AK8: variants seen among roughly 807,000 people sequenced by gnomAD.
The protein encoded by AK8 is ATP-AMP transphosphorylase 8.
A neutral mutation model predicts 54.6 loss-of-function variants in AK8; 44 were observed. The observed-to-expected ratio is 0.81, with a 90% CI of 0.63 to 1.04. The LOEUF (loss-of-function observed/expected upper bound fraction) is 1.04. AK8 is among the 50% of genes least tolerant of loss of function. The pLI, the probability that AK8 is intolerant of heterozygous loss-of-function variation, is 0.00. For missense variants in AK8, 555 were observed against 613.6 expected, an observed-to-expected ratio of 0.90 and a Z score of 1.01; for synonymous variants, 239 against 245.6, an observed-to-expected ratio of 0.97 and a Z score of 0.25.
intron 12 of AK8, among the ~76,000 whole-genome samples, chr9:132,727,220 G>A (rs1337178878): frequency 6.6e-6 from 1 of 152,144 alleles, no homozygotes; most frequent in East Asian, 1.9e-4. Flanking sequence ...TAGAGTGGGT[G>A]AACATTTCAC....
intron 10 of AK8, among the ~76,000 whole-genome samples, chr9:132,798,999 T>C (rs566585705): frequency 1.3e-5 from 2 of 152,286 alleles, no homozygotes; most frequent in African/African-American, 4.8e-5. Flanking sequence ...ACCCATGAGA[T>C]GCAACTGGGC....
chr9:132,787,803 C>G (rs1397751261), intron 11 of AK8, among the ~76,000 whole-genome samples: 1 of 151,986 alleles, frequency 6.6e-6, no homozygotes, highest in Non-Finnish European at 1.5e-5. Context: ...TGTAACAGTC[C>G]ACTGCTTTTA....
At position 132,821,736 on chromosome 9, in the gene AK8, T is replaced by C. The variant is rs1048922599; in HGVS notation, c.889+1469A>G. Among the ~76,000 whole-genome samples, 12 of 136,944 alleles carry C rather than the reference T, an allele frequency of 8.8e-5. 1 individual carries two copies. Among genetic ancestry groups the C allele is most frequent in the East Asian group, 4.0e-4 (2 of 5,050 alleles). The allele number at this position is 136,944 out of a possible 152,430, so 89.8% of individuals were successfully genotyped here. ...ATTTGTATGTATATACATATATGTA[T>C]ATTTGTATGTATATACAAATATATA... is the stretch of plus-strand genomic sequence containing the variant. On this transcript the variant is annotated intron_variant, in intron 9 of 12. Transcript: ENST00000298545.
chr9:132,855,680 A>C (rs2131387845), intron 4 of AK8, among the ~76,000 whole-genome samples: 1 of 152,362 alleles, frequency 6.6e-6, no homozygotes, highest in East Asian at 1.9e-4. Flanking sequence ...AAATTCCTTG[A>C]TGCATTCAAC....
At chr9:132,833,731 CAAAGA>C (rs1023405912) in intron 5 of AK8, among the ~76,000 whole-genome samples, 4 of 152,206 alleles carry the variant, frequency 2.6e-5, no homozygotes, top group African/African-American at 9.6e-5. Context: ...GAAAAAAAAG[CAAAGA>C]AAAGACGCCA....
In AK8 at chr9:132,869,615, C is replaced by T. The variant is rs147380786; in HGVS notation, c.170-2662G>A. Among the ~76,000 whole-genome samples the T allele has an allele frequency of 2.2e-3, 335 of 152,370 alleles. 3 individuals are homozygous for T. The highest frequency in any genetic ancestry group is 7.4e-3 in the African/African-American group (308 of 41,594). On this transcript the variant is annotated intron_variant, in intron 2 of 12. Coordinates refer to ENST00000298545, the MANE Select transcript of AK8 (RefSeq NM_152572.3). The stretch of plus-strand genomic sequence containing the variant: ...GGGCGGGCATTCAGCGGCCCTTTCT[C>T]TGTTCTAGGCCTGTGGCCTGGGGCA...
At chr9:132,798,966 C>T (rs1023791584) in intron 10 of AK8, among the ~76,000 whole-genome samples, 2 of 152,176 alleles carry the variant, frequency 1.3e-5, no homozygotes, top group Admixed American at 1.3e-4. Flanking sequence ...AGCAGTTCCA[C>T]GGCTCCGGAC....
At chr9:132,875,930 T>C (rs911734904) in intron 1 of AK8, among the ~76,000 whole-genome samples, 7 of 152,220 alleles carry the variant, frequency 4.6e-5, no homozygotes, top group Non-Finnish European at 1.0e-4. Flanking sequence ...CCTGGGATAT[T>C]CTGGCCATTT....
At chr9:132,859,449 C>T (rs560436776) in intron 4 of AK8, among the ~76,000 whole-genome samples, 1 of 152,074 alleles carries the variant, frequency 6.6e-6, no homozygotes. Context: ...AGAAAGGTGG[C>T]GATCCTCCCG....
intron 11 of AK8, among the ~76,000 whole-genome samples, chr9:132,729,929 G>A (rs1254383583): frequency 6.6e-6 from 1 of 152,218 alleles, no homozygotes; most frequent in East Asian, 1.9e-4. Flanking sequence ...CTCCTAGCAT[G>A]ATCAAAAGAC....
intron 11 of AK8, among the ~76,000 whole-genome samples, chr9:132,783,822 AC>A (rs1294553256): frequency 6.6e-6 from 1 of 152,202 alleles, no homozygotes; most frequent in Non-Finnish European, 1.5e-5. Flanking sequence ...AAACAAAAAA[AC>A]AAATGAAAAA....
rs201310456 is a variant in AK8, at chr9:132,823,272, G to A, written c.822C>T (p.Leu274=). 1.5e-4 allele frequency: 244 copies of A among 1,612,498 alleles called. 2 individuals are homozygous for A. The highest frequency in any genetic ancestry group is 1.1e-3 in the East Asian group (49 of 44,706). The change falls in exon 9 of 13, where the codon CTC becomes CTT. Residue 274 remains leucine, a synonymous_variant. Transcript: ENST00000298545. ...GACTTTTCCCACTGCCCACAGGCCC[G>A]AGCAGCAGCACCCTCGGGGTGAACG... is the stretch of plus-strand genomic sequence containing the variant. ...NAPFTPRVLL[L]GPVGSGKSLQ...
At chr9:132,845,247 A>G (rs896420690) in intron 5 of AK8, among the ~76,000 whole-genome samples, 4 of 152,256 alleles carry the variant, frequency 2.6e-5, no homozygotes, top group Non-Finnish European at 5.9e-5. Context: ...CACATTATAA[A>G]TACTCAGTCA....
chr9:132,823,902 C>T (rs550619177), intron 8 of AK8, among the ~76,000 whole-genome samples: 2 of 152,234 alleles, frequency 1.3e-5, no homozygotes, highest in African/African-American at 2.4e-5. Flanking sequence ...TGTGCAGCTG[C>T]ACTCTGGTGA....
chr9:132,849,626 CCCGG>C (rs1323559107), intron 5 of AK8, among the ~76,000 whole-genome samples: 1 of 152,192 alleles, frequency 6.6e-6, no homozygotes, highest in Non-Finnish European at 1.5e-5. Context: ...AGTGTTGCAG[CCCGG>C]CCGGCAGGGT....
chr9:132,822,391 A>G (rs149701840), intron 9 of AK8, among the ~76,000 whole-genome samples: 23 of 149,876 alleles, frequency 1.5e-4, no homozygotes, highest in African/African-American at 5.2e-4. Flanking sequence ...GTGTGTCCAT[A>G]TATTTGTTTG....
chr9:132,804,566 G>T (rs541386886), intron 10 of AK8, among the ~76,000 whole-genome samples: 20 of 152,058 alleles, frequency 1.3e-4, no homozygotes, highest in South Asian at 2.1e-4. Flanking sequence ...TTCCCAGGGA[G>T]GGGGGTGGGA....
Position 132,725,594 on chromosome 9 carries a change from T to G in AK8, c.*94A>C. 1.7e-6 allele frequency: 2 copies of G among 1,159,652 alleles called. No individual in the cohort carries two copies. Among genetic ancestry groups the G allele is most frequent in the Non-Finnish European group, 2.4e-6 (2 of 818,894 alleles). The allele number at this position is 1,159,652 out of a possible 1,614,324, so 71.8% of individuals were successfully genotyped here. ...CGTACGAGACTGTATCCAGCAGGCT[T>G]TATTGGCTTTTTAGGGGAGCTGTGC... On this transcript the variant is annotated 3_prime_UTR_variant, in exon 13 of 13. Coordinates refer to ENST00000298545, the MANE Select transcript of AK8 (RefSeq NM_152572.3).
chr9:132,737,395 G>A (rs1837172288), intron 11 of AK8, among the ~76,000 whole-genome samples: 1 of 152,174 alleles, frequency 6.6e-6, no homozygotes, highest in Admixed American at 6.6e-5. Context: ...TTATTCGTCA[G>A]CTTTTCCTTG....
Sources: allele counts gnomAD v4.1 joint callset (sites outside exome capture counted in the v4.1 genomes callset), GRCh38; gene constraint gnomAD v4.1.1; transcripts MANE v1.5; gene names NCBI Gene and HGNC (gene_info 2026-07-23, HGNC 2026-07-21).